Variants in KCNN2 observed in about 807,000 individuals in gnomAD.
KCNN2 encodes the protein potassium calcium-activated channel subfamily N member 2.
In KCNN2, 24 loss-of-function variants were observed where a neutral mutation model predicts 55.5. That is an observed-to-expected ratio of 0.43 (90% CI 0.31 to 0.61). KCNN2 has a LOEUF of 0.61. Among genes scored for constraint, KCNN2 ranks in the 20% least tolerant of loss-of-function variants. The pLI, the probability that KCNN2 is intolerant of heterozygous loss-of-function variation, is 0.08. For synonymous variants in KCNN2, 431 were observed against 336.1 expected (o/e 1.28, Z -3.09); for missense variants, 754 against 853.6 (o/e 0.88, Z 1.45).
intron 2 of KCNN2, among the ~76,000 whole-genome samples, chr5:114,345,446 A>G (rs1171396400): frequency 6.6e-6 from 1 of 152,202 alleles, no homozygotes; most frequent in Non-Finnish European, 1.5e-5. Flanking sequence ...GAATCATTGC[A>G]CTATTTCACA....
At chr5:114,449,630 C>T (rs1473754009) in intron 3 of KCNN2, among the ~76,000 whole-genome samples, 2 of 152,162 alleles carry the variant, frequency 1.3e-5, no homozygotes, top group Non-Finnish European at 2.9e-5. Flanking sequence ...CTGAACCCAG[C>T]TCAGTTCCTC....
Position 114,489,794 on chromosome 5 carries a change from G to GT in KCNN2, c.2018+2618dup, listed in dbSNP as rs1385747656. Among the ~76,000 whole-genome samples the GT allele has an allele frequency of 7.9e-5, 12 of 152,288 alleles. 1 individual carries two copies. In the East Asian group the frequency reaches 1.5e-3, roughly 20 times the overall value. ...AAGGGCAAGGCTTCCATTGCCCACT[G>GT]TGCAGATCCAGTGAGACCCTCGGCC... is the stretch of plus-strand genomic sequence containing the variant. On this transcript the variant is annotated intron_variant, in intron 6 of 7. Coordinates refer to ENST00000673685, the MANE Select transcript of KCNN2 (RefSeq NM_021614.4).
At chr5:114,178,265 A>G (rs1249121207) in intron 1 of KCNN2, among the ~76,000 whole-genome samples, 1 of 152,212 alleles carries the variant, frequency 6.6e-6, no homozygotes, top group Non-Finnish European at 1.5e-5. Context: ...TAATAAATAA[A>G]TGGAAGGTGG....
chr5:114,471,747 T>C (rs1370802871), intron 4 of KCNN2, among the ~76,000 whole-genome samples: 1 of 152,190 alleles, frequency 6.6e-6, no homozygotes, highest in African/African-American at 2.4e-5. Context: ...TAGAACTAGA[T>C]GGAACAGGCT....
intron 5 of KCNN2, among the ~76,000 whole-genome samples, chr5:114,486,498 A>G (rs1747543860): frequency 6.6e-6 from 1 of 152,158 alleles, no homozygotes; most frequent in Non-Finnish European, 1.5e-5. Flanking sequence ...CAAAATCATA[A>G]CGTAGACTCC....
At chr5:114,154,836 C>A (rs1176403903) in intron 1 of KCNN2, among the ~76,000 whole-genome samples, 1 of 152,112 alleles carries the variant, frequency 6.6e-6, no homozygotes, top group African/African-American at 2.4e-5. Context: ...TATATTCTTA[C>A]TTTTCCTACT....
At chr5:114,079,869 CAGAG>C (rs1275741133) in intron 1 of KCNN2, among the ~76,000 whole-genome samples, 1 of 145,976 alleles carries the variant, frequency 6.9e-6, no homozygotes, top group African/African-American at 2.6e-5. Flanking sequence ...GAGAGAGAGA[CAGAG>C]AGACAGAGAA....
chr5:114,125,936 T>C (rs911310473), intron 1 of KCNN2, among the ~76,000 whole-genome samples: 1 of 152,142 alleles, frequency 6.6e-6, no homozygotes, highest in African/African-American at 2.4e-5. Flanking sequence ...TACTGGAGGT[T>C]TGAACTTCAG....
chr5:114,409,857 G>C (rs1385916622), intron 3 of KCNN2, among the ~76,000 whole-genome samples: 1 of 151,972 alleles, frequency 6.6e-6, no homozygotes. Context: ...TTACCTGTAG[G>C]TAATAAAAAT....
chr5:114,316,208 TA>T (rs1222905052), intron 2 of KCNN2, among the ~76,000 whole-genome samples: 1 of 152,180 alleles, frequency 6.6e-6, no homozygotes, highest in Non-Finnish European at 1.5e-5. Context: ...TGGTACCTTA[TA>T]AAATTAATAG....
At chr5:114,345,111 A>G (rs1757083594) in intron 2 of KCNN2, among the ~76,000 whole-genome samples, 1 of 152,226 alleles carries the variant, frequency 6.6e-6, no homozygotes, top group Admixed American at 6.5e-5. Context: ...GAACAATGCT[A>G]CATCCACACA....
At chr5:114,272,422 T>TATATGTACGTACATATCTACACACAC (rs1561549146) in intron 2 of KCNN2, among the ~76,000 whole-genome samples, 1,070 of 27,614 alleles carry the variant, frequency 0.039, 162 homozygotes, top group Non-Finnish European at 0.16. Flanking sequence ...TCTACACACA[T>TATATGTACGTACATATCTACACACAC]ATGTACGTAC....
chr5:114,252,165 A>G (rs1196086509), intron 2 of KCNN2, among the ~76,000 whole-genome samples: 1 of 152,120 alleles, frequency 6.6e-6, no homozygotes, highest in Non-Finnish European at 1.5e-5. Context: ...GGCATGAGCT[A>G]CCATGGCCTG....
At position 114,473,051 on chromosome 5, in the gene KCNN2, C is replaced by T. The variant is rs372467226; in HGVS notation, c.1780-3C>T. 37 of 1,591,832 alleles carry T rather than the reference C, an allele frequency of 2.3e-5. No individual in the cohort carries two copies. Among genetic ancestry groups the T allele is most frequent in the Admixed American group, 1.2e-4 (7 of 58,032 alleles). On this transcript the variant is annotated splice_polypyrimidine_tract_variant and splice_region_variant and intron_variant, in intron 4 of 7. Transcript: ENST00000673685. ...TGGGTTTCTCTTCTCTCCTTGTTTTCAGGGTGCTGGTTGCACAGCCCTGGT... is the reference window on the plus strand; with the variant it reads ...TGGGTTTCTCTTCTCTCCTTGTTTTTAGGGTGCTGGTTGCACAGCCCTGGT...
At chr5:114,060,376 T>C (rs1021285672) in intron 1 of KCNN2, among the ~76,000 whole-genome samples, 1 of 152,256 alleles carries the variant, frequency 6.6e-6, no homozygotes, top group African/African-American at 2.4e-5. Context: ...GGATCCCTTA[T>C]GTCCCTTATT....
intron 1 of KCNN2, among the ~76,000 whole-genome samples, chr5:114,151,669 T>C (rs180895387): frequency 3.9e-5 from 6 of 152,302 alleles, no homozygotes; most frequent in African/African-American, 1.4e-4. Context: ...ACTTCTGAAC[T>C]AGTGAAAGAG....
chr5:114,267,914 C>G (rs1755242600), intron 2 of KCNN2, among the ~76,000 whole-genome samples: 1 of 152,016 alleles, frequency 6.6e-6, no homozygotes, highest in African/African-American at 2.4e-5. Context: ...ACCAGTGTTT[C>G]TCTCTCTCCC....
At position 114,461,047 on chromosome 5, in the gene KCNN2, G is replaced by GTTTA. The variant is rs552469355; in HGVS notation, c.1638-1998_1638-1995dup. ...TATTATTAATAGATTATAATCCAGA[G>GTTTA]TTTATTTCTAGGGGTTTTATTTTGA... On this transcript the variant is annotated intron_variant, in intron 3 of 7. Transcript: ENST00000673685. 4.2e-4 allele frequency among the ~76,000 whole-genome samples: 64 copies of GTTTA among 152,200 alleles called. No homozygotes were observed. The South Asian group carries it at 0.012, about 30-fold the overall frequency.
At chr5:114,300,489 A>G (rs1418758799) in intron 2 of KCNN2, among the ~76,000 whole-genome samples, 1 of 152,230 alleles carries the variant, frequency 6.6e-6, no homozygotes, top group Non-Finnish European at 1.5e-5. Flanking sequence ...GACATTAAAC[A>G]CTATAGAGAT....
Sources: allele counts gnomAD v4.1 joint callset (sites outside exome capture counted in the v4.1 genomes callset), GRCh38; gene constraint gnomAD v4.1.1; transcripts MANE v1.5; gene names NCBI Gene and HGNC (gene_info 2026-07-23, HGNC 2026-07-21).